XIRP2: variants seen among roughly 807,000 people sequenced by gnomAD.
XIRP2 encodes the protein xin actin binding repeat containing 2, also known as xin actin-binding repeat-containing protein 2.
A neutral mutation model predicts 277.0 loss-of-function variants in XIRP2; 236 were observed. That is an observed-to-expected ratio of 0.85 (90% confidence interval 0.77 to 0.95). The LOEUF is 0.95. Ranked by LOEUF, XIRP2 falls within the 40% of genes least tolerant of loss-of-function variation. The pLI is 0.00. For synonymous variants in XIRP2, 1,490 were observed against 1,416.5 expected (o/e 1.05, Z -1.17); for missense variants, 4,640 against 4,157.5 (o/e 1.12, Z -3.19).
intron 2 of XIRP2, among the ~76,000 whole-genome samples, chr2:167,094,047 T>C (rs1280925502): frequency 1.3e-5 from 2 of 151,674 alleles, no homozygotes; most frequent in Admixed American, 1.3e-4. Context: ...TGATTTTAAT[T>C]TGCATTTCTC....
intron 2 of XIRP2, among the ~76,000 whole-genome samples, chr2:166,934,807 G>A (rs1325261409): frequency 6.6e-6 from 1 of 151,836 alleles, no homozygotes; most frequent in Non-Finnish European, 1.5e-5. Context: ...GAGGTCAGGA[G>A]ACCAGCCTGG....
At chr2:166,947,814 A>T (rs1029563649) in intron 2 of XIRP2, among the ~76,000 whole-genome samples, 2 of 152,202 alleles carry the variant, frequency 1.3e-5, no homozygotes, top group Non-Finnish European at 2.9e-5. Flanking sequence ...AGAGATGTTT[A>T]TAAAAACTTT....
At position 166,977,289 on chromosome 2, in the gene XIRP2, ATTAG is replaced by A. The variant is rs377527978; in HGVS notation, c.408+73402_408+73405del. On this transcript the variant is annotated intron_variant, in intron 2 of 10. Coordinates refer to ENST00000409195, the MANE Select transcript of XIRP2 (RefSeq NM_152381.6). ...TTTCAAATTTAGAAAATTTTCAATT[ATTAG>A]TTCTTCAATATTTTTTCTAACCCAT... Among the ~76,000 whole-genome samples, 119 of 152,290 alleles carry A rather than the reference ATTAG, an allele frequency of 7.8e-4. 3 individuals are homozygous for A. The East Asian group carries it at 0.022, about 28-fold the overall frequency.
At chr2:167,233,802 T>C (rs1396860345) in intron 5 of XIRP2, among the ~76,000 whole-genome samples, 1 of 151,798 alleles carries the variant, frequency 6.6e-6, no homozygotes, top group African/African-American at 2.4e-5. Flanking sequence ...ATTTATATCC[T>C]AGTGTCTCTG....
At chr2:167,241,559 G>A (rs991781274) in intron 7 of XIRP2, among the ~76,000 whole-genome samples, 3 of 152,004 alleles carry the variant, frequency 2.0e-5, no homozygotes, top group African/African-American at 4.8e-5. Flanking sequence ...GTTTCCCATA[G>A]CATTATAATT....
intron 3 of XIRP2, among the ~76,000 whole-genome samples, chr2:167,169,287 C>CAA (rs139311742): frequency 0.099 from 15,012 of 152,146 alleles, 795 homozygotes; most frequent in South Asian, 0.16. Flanking sequence ...GTTGTGAAGA[C>CAA]CAGGTAGTGC....
intron 2 of XIRP2, among the ~76,000 whole-genome samples, chr2:166,913,590 G>A (rs1460671442): frequency 6.6e-6 from 1 of 152,170 alleles, no homozygotes; most frequent in African/African-American, 2.4e-5. Context: ...CCTGTGGAGG[G>A]CTATATTCAG....
Position 166,917,348 on chromosome 2 carries a change from C to T in XIRP2, c.408+13458C>T, listed in dbSNP as rs113577599. ...GACAGAGAGAGGACATCAAGAATAC[C>T]GCGAGGATGGGCCATAATGTTTTAT... On this transcript the variant is annotated intron_variant, in intron 2 of 10. Coordinates refer to ENST00000409195, the MANE Select transcript of XIRP2 (RefSeq NM_152381.6). Among the ~76,000 whole-genome samples the T allele has an allele frequency of 3.9e-3, 590 of 152,164 alleles. 4 individuals are homozygous for T. Among genetic ancestry groups the T allele is most frequent in the Non-Finnish European group, 7.0e-3 (476 of 67,990 alleles).
chr2:167,038,354 T>C (rs1688572057), intron 2 of XIRP2, among the ~76,000 whole-genome samples: 1 of 151,956 alleles, frequency 6.6e-6, no homozygotes, highest in Admixed American at 6.6e-5. Context: ...TAAAGTACAT[T>C]TGGTTTAAAT....
intron 2 of XIRP2, among the ~76,000 whole-genome samples, chr2:166,923,525 G>T (rs1685107877): frequency 6.6e-6 from 1 of 151,948 alleles, no homozygotes; most frequent in Non-Finnish European, 1.5e-5. Flanking sequence ...AAAAACAAGA[G>T]ACTATCCAGT....
Position 167,257,936 on chromosome 2 carries a change from T to G in XIRP2, c.*119T>G. 1 of 1,612,596 alleles carries G rather than the reference T, an allele frequency of 6.2e-7. No individual in the cohort carries two copies. The highest frequency in any genetic ancestry group is 8.5e-7 in the Non-Finnish European group (1 of 1,179,272). ...ACAACTTTTCAAATCCAAAGGAAAT[T>G]ATGATGAAGGTTTTGGACATAAGCA... On this transcript the variant is annotated 3_prime_UTR_variant, in exon 11 of 11. Coordinates refer to ENST00000409195, the MANE Select transcript of XIRP2 (RefSeq NM_152381.6).
intron 3 of XIRP2, among the ~76,000 whole-genome samples, chr2:167,181,527 A>G (rs6719812): frequency 0.099 from 15,014 of 151,992 alleles, 795 homozygotes; most frequent in South Asian, 0.16. Flanking sequence ...GTTATTTTTT[A>G]TTTTTTAAAT....
chr2:167,042,798 T>G (rs1349103390), intron 2 of XIRP2, among the ~76,000 whole-genome samples: 1 of 152,074 alleles, frequency 6.6e-6, no homozygotes, highest in Admixed American at 6.6e-5. Context: ...TTAGGCAGAT[T>G]ATTAAGGCAG....
At chr2:167,083,389 C>A (rs973824630) in intron 2 of XIRP2, among the ~76,000 whole-genome samples, 15 of 152,196 alleles carry the variant, frequency 9.9e-5, no homozygotes, top group African/African-American at 3.4e-4. Flanking sequence ...ATGCCTCCAG[C>A]TTTGTTCTTT....
chr2:166,974,688 A>T (rs1686664891), intron 2 of XIRP2, among the ~76,000 whole-genome samples: 1 of 152,038 alleles, frequency 6.6e-6, no homozygotes, highest in African/African-American at 2.4e-5. Context: ...ACCTAAAGTT[A>T]ATTATATAAA....
At position 167,243,334 on chromosome 2, in the gene XIRP2, A is replaced by G. The variant is rs1695133974; in HGVS notation, c.1942A>G (p.Arg648Gly). Residue 648 changes from arginine to glycine, a missense_variant, in exon 9 of 11, where the codon AGA becomes GGA. Arg to Gly is a moderately radical substitution (Grantham distance 125, BLOSUM62 -2). Coordinates refer to ENST00000409195, the MANE Select transcript of XIRP2 (RefSeq NM_152381.6). ...TGCAGAGAAAATTCCTGAGCTAGCC[A>G]GAGGAGATGTCTGCACAGCTCGGTG... ...ENAEKIPELA[R>G]GDVCTARWMF... 3.7e-6 allele frequency: 6 copies of G among 1,614,132 alleles called. No individual in the cohort carries two copies. The highest frequency in any genetic ancestry group is 5.1e-6 in the Non-Finnish European group (6 of 1,179,992).
At position 167,244,781 on chromosome 2, in the gene XIRP2, T is replaced by C; in HGVS notation, c.3389T>C (p.Leu1130Pro). The C allele has an allele frequency of 6.2e-7, 1 of 1,613,532 alleles. No homozygotes were observed. Among genetic ancestry groups the C allele is most frequent in the Non-Finnish European group, 8.5e-7 (1 of 1,179,738 alleles). The change falls in exon 9 of 11, where the codon CTC becomes CCC. Residue 1130 changes from leucine (L) to proline (P), a missense_variant. Leu to Pro is a moderately conservative substitution (Grantham distance 98). Coordinates refer to ENST00000409195, the MANE Select transcript of XIRP2 (RefSeq NM_152381.6). ...HKGDVKTCTW[L>P]FETQPLDTIK... ...GGAGATGTCAAAACTTGTACTTGGC[T>C]CTTTGAAACTCAGCCACTTGATACC...
At chr2:167,178,246 CT>C (rs2105354784) in intron 3 of XIRP2, among the ~76,000 whole-genome samples, 1 of 152,070 alleles carries the variant, frequency 6.6e-6, no homozygotes, top group East Asian at 1.9e-4. Context: ...GGATTGAGTG[CT>C]TTTTTAGAGA....
intron 2 of XIRP2, among the ~76,000 whole-genome samples, chr2:167,057,474 C>T (rs185304108): frequency 1.3e-5 from 2 of 152,112 alleles, no homozygotes; most frequent in Non-Finnish European, 2.9e-5. Context: ...ATGCTGAGGT[C>T]CGGAAACACT....
Sources: gnomAD v4.1 joint callset for allele counts (sites outside exome capture counted in the v4.1 genomes callset) on GRCh38, gnomAD v4.1.1 for gene constraint, MANE v1.5 for transcripts, NCBI Gene and HGNC (gene_info 2026-07-23, HGNC 2026-07-21) for gene names.